PHACTR1: variants seen among roughly 807,000 people sequenced by gnomAD.
The protein encoded by PHACTR1 is phosphatase and actin regulator 1, also known as RPEL repeat containing 1.
Under a neutral mutation model 69.2 loss-of-function variants are expected in PHACTR1, and 16 were observed. The ratio of observed to expected loss-of-function variants is 0.23; its 90% CI spans 0.16 to 0.35. The LOEUF (loss-of-function observed/expected upper bound fraction) is 0.35. Ranked by LOEUF, PHACTR1 falls within the 10% of genes least tolerant of loss-of-function variation. The pLI is 1.00. For synonymous variants in PHACTR1, 312 were observed against 284.5 expected, an observed-to-expected ratio of 1.10 and a Z score of -0.97; for missense variants, 510 against 734.7, an observed-to-expected ratio of 0.69 and a Z score of 3.54.
chr6:13,061,179 G>T (rs1005481440), intron 5 of PHACTR1, among the ~76,000 whole-genome samples: 4 of 152,086 alleles, frequency 2.6e-5, no homozygotes, highest in Non-Finnish European at 5.9e-5. Context: ...TCTTATAAGG[G>T]TACCAGACAT....
chr6:12,754,976 C>G (rs1767127107), intron 4 of PHACTR1, among the ~76,000 whole-genome samples: 1 of 152,124 alleles, frequency 6.6e-6, no homozygotes, highest in Admixed American at 6.5e-5. Flanking sequence ...GATCTTGGAA[C>G]CAATCTCATG....
chr6:13,278,178 C>A, intron 11 of PHACTR1, 90 bp from the exon 12 acceptor site: 1 of 1,245,476 alleles, frequency 8.0e-7, no homozygotes, highest in Non-Finnish European at 1.1e-6. Context: ...AAATGAGATG[C>A]TTGGCCTAGA....
intron 5 of PHACTR1, among the ~76,000 whole-genome samples, chr6:13,140,432 C>A (rs1374055414): frequency 1.3e-5 from 2 of 151,982 alleles, no homozygotes; most frequent in African/African-American, 4.8e-5. Context: ...CCTATATATA[C>A]AATGGAGTAT....
At position 13,085,446 on chromosome 6, in the gene PHACTR1, T is replaced by C. The variant is rs1812119177; in HGVS notation, c.415+31917T>C. Among the ~76,000 whole-genome samples, 2 of 152,120 alleles carry C rather than the reference T, an allele frequency of 1.3e-5. 1 individual carries two copies. Among genetic ancestry groups the C allele is most frequent in the South Asian group, 4.1e-4 (2 of 4,836 alleles). ...AGACTAATATTTTTTAGAAGAATGC[T>C]AATTTATGCAAATATTAATCAAATA... On this transcript the variant is annotated intron_variant, in intron 5 of 14. Transcript: ENST00000332995.
At chr6:13,226,971 C>T (rs1034054373) in intron 8 of PHACTR1, among the ~76,000 whole-genome samples, 29 of 152,098 alleles carry the variant, frequency 1.9e-4, no homozygotes, top group African/African-American at 6.0e-4. Flanking sequence ...CTCTTGACCC[C>T]GTGATCCACC....
chr6:12,934,184 G>A (rs149115893), intron 4 of PHACTR1, among the ~76,000 whole-genome samples: 5 of 152,180 alleles, frequency 3.3e-5, no homozygotes, highest in South Asian at 2.1e-4. Flanking sequence ...CTCTGACCCC[G>A]TCATCCCATG....
chr6:13,181,404 G>C (rs768589906), intron 6 of PHACTR1, among the ~76,000 whole-genome samples: 1 of 152,100 alleles, frequency 6.6e-6, no homozygotes, highest in South Asian at 2.1e-4. Flanking sequence ...TTTCTGACTC[G>C]GCAGAACTTA....
intron 4 of PHACTR1, among the ~76,000 whole-genome samples, chr6:12,778,980 C>T (rs2127639579): frequency 6.6e-6 from 1 of 152,318 alleles, no homozygotes; most frequent in Middle Eastern, 3.4e-3. Flanking sequence ...TTGCCCTTGG[C>T]TCAGTGCCCT....
chr6:13,227,715 G>T, intron 8 of PHACTR1, 101 bp from the exon 9 acceptor site: 2 of 1,440,418 alleles, frequency 1.4e-6, no homozygotes, highest in Non-Finnish European at 9.4e-7. Context: ...TAGACCCTTT[G>T]TCTCTTAGGA....
chr6:12,986,986 A>G (rs190639959), intron 4 of PHACTR1, among the ~76,000 whole-genome samples: 92 of 152,330 alleles, frequency 6.0e-4, no homozygotes, highest in African/African-American at 2.2e-3. Flanking sequence ...CCTACTTTAT[A>G]TAAGACTGTC....
In PHACTR1 at chr6:12,918,580, G is replaced by A. The variant is rs115593358; in HGVS notation, c.251-134785G>A. Among the ~76,000 whole-genome samples the A allele has an allele frequency of 5.2e-3, 793 of 152,310 alleles. 11 individuals carry two copies. Among genetic ancestry groups the A allele is most frequent in the African/African-American group, 0.018 (754 of 41,560 alleles). On this transcript the variant is annotated intron_variant, in intron 4 of 14. Transcript: ENST00000332995. ...ATTGTTTCATTAGCATGTAGAGGTT[G>A]TCTGTTCGTATTTTTAAACATTCAT... is the stretch of plus-strand genomic sequence containing the variant.
At chr6:13,219,584 C>T (rs574736328) in intron 8 of PHACTR1, among the ~76,000 whole-genome samples, 25 of 152,298 alleles carry the variant, frequency 1.6e-4, no homozygotes, top group African/African-American at 4.3e-4. Flanking sequence ...TGTCCTTCCT[C>T]TTGTCGCCTA....
intron 12 of PHACTR1, chr6:13,281,190 C>T (rs1316067565): frequency 1.7e-6 from 2 of 1,189,266 alleles, no homozygotes; most frequent in African/African-American, 3.2e-5. Context: ...AAATCCAGGT[C>T]AGTTTCCAGG....
intron 4 of PHACTR1, among the ~76,000 whole-genome samples, chr6:12,940,957 T>C (rs1390188192): frequency 1.3e-5 from 2 of 152,240 alleles, no homozygotes; most frequent in South Asian, 2.1e-4. Context: ...TAGATTGTCC[T>C]TAGTAATTAC....
chr6:13,159,360 A>C (rs1758646496), intron 5 of PHACTR1, among the ~76,000 whole-genome samples: 1 of 152,150 alleles, frequency 6.6e-6, no homozygotes, highest in Non-Finnish European at 1.5e-5. Context: ...CACACCAGAG[A>C]ACTTCTCAGA....
intron 10 of PHACTR1, among the ~76,000 whole-genome samples, chr6:13,243,940 T>A (rs926538000): frequency 6.6e-6 from 1 of 152,242 alleles, no homozygotes; most frequent in Non-Finnish European, 1.5e-5. Flanking sequence ...CATTCTTTTT[T>A]ATGGCTGCAT....
chr6:12,718,921 T>A (rs892987453), intron 3 of PHACTR1, 74 bp downstream of exon 3: 1 of 820,502 alleles, frequency 1.2e-6, no homozygotes, highest in Non-Finnish European at 1.9e-6. Flanking sequence ...AGGCTGTAGC[T>A]GTTAAAGCCT....
At chr6:13,024,761 G>A (rs1381955248) in intron 4 of PHACTR1, among the ~76,000 whole-genome samples, 2 of 152,126 alleles carry the variant, frequency 1.3e-5, no homozygotes, top group East Asian at 3.8e-4. Context: ...AAAAGAAGAG[G>A]CTTTAATATC....
At chr6:12,961,235 T>C (rs189833197) in intron 4 of PHACTR1, among the ~76,000 whole-genome samples, 132 of 151,810 alleles carry the variant, frequency 8.7e-4, no homozygotes, top group African/African-American at 3.0e-3. Flanking sequence ...TGTCTAAAAT[T>C]AAGAGAAACA....
Sources: gnomAD v4.1 joint callset for allele counts (sites outside exome capture counted in the v4.1 genomes callset) on GRCh38, gnomAD v4.1.1 for gene constraint, MANE v1.5 for transcripts, NCBI Gene and HGNC (gene_info 2026-07-23, HGNC 2026-07-21) for gene names.